Variants in DAPK2 observed in about 807,000 individuals in gnomAD.
The protein encoded by DAPK2 is death associated protein kinase 2, also known as death-associated protein kinase 2.
In DAPK2, 35 loss-of-function variants were observed where a neutral mutation model predicts 44.1. The observed-to-expected ratio is 0.79, with a 90% CI of 0.61 to 1.05. The LOEUF is 1.05. Among genes scored for constraint, DAPK2 ranks in the 50% least tolerant of loss-of-function variants. The probability of loss-of-function intolerance (pLI) is 0.00; values close to 1 mark genes in which losing one functional copy is unlikely to be tolerated. For missense variants in DAPK2, 453 were observed against 483.2 expected, an observed-to-expected ratio of 0.94 and a Z score of 0.59; for synonymous variants, 174 against 182.6, an observed-to-expected ratio of 0.95 and a Z score of 0.38.
At chr15:63,949,556 G>C (rs2077533949) in intron 3 of DAPK2, among the ~76,000 whole-genome samples, 1 of 152,190 alleles carries the variant, frequency 6.6e-6, no homozygotes, top group South Asian at 2.1e-4. Flanking sequence ...GGCATTCTGA[G>C]GACCTAGCTG....
At chr15:63,987,422 A>G (rs1342465211) in intron 1 of DAPK2, among the ~76,000 whole-genome samples, 1 of 152,188 alleles carries the variant, frequency 6.6e-6, no homozygotes, top group Non-Finnish European at 1.5e-5. Flanking sequence ...GAGCAATTCA[A>G]CCTCTAATGA....
chr15:63,991,968 T>A (rs2078832698), intron 1 of DAPK2, among the ~76,000 whole-genome samples: 1 of 152,138 alleles, frequency 6.6e-6, no homozygotes, highest in Non-Finnish European at 1.5e-5. Flanking sequence ...GGCTGGCTTG[T>A]TTCATTCCCA....
intron 3 of DAPK2, among the ~76,000 whole-genome samples, chr15:63,956,080 AT>A (rs541925713): frequency 1.1e-3 from 165 of 152,256 alleles, no homozygotes; most frequent in African/African-American, 3.7e-3. Context: ...CCTATTGGAA[AT>A]CATATAGTTG....
chr15:64,007,155 G>T (rs1294084891), intron 1 of DAPK2, among the ~76,000 whole-genome samples: 1 of 151,902 alleles, frequency 6.6e-6, no homozygotes, highest in Non-Finnish European at 1.5e-5. Flanking sequence ...TTTAGAGACG[G>T]GGTCTCACTA....
At chr15:63,915,951 G>C (rs1009351111) in intron 8 of DAPK2, among the ~76,000 whole-genome samples, 5 of 151,284 alleles carry the variant, frequency 3.3e-5, no homozygotes, top group African/African-American at 1.2e-4. Flanking sequence ...TTCGACTTGG[G>C]GTGTGAGGGG....
At chr15:63,988,679 TA>T (rs1180442388) in intron 1 of DAPK2, among the ~76,000 whole-genome samples, 1 of 151,714 alleles carries the variant, frequency 6.6e-6, no homozygotes, top group African/African-American at 2.4e-5. Context: ...AATTTTTTTC[TA>T]TTTTTAGTAG....
At chr15:63,913,497 G>A (rs923550853) in intron 8 of DAPK2, among the ~76,000 whole-genome samples, 75 of 152,082 alleles carry the variant, frequency 4.9e-4, no homozygotes, top group Non-Finnish European at 9.3e-4. Flanking sequence ...CAAAGGTCCC[G>A]GGCAGCTCTG....
At chr15:63,983,103 A>G (rs2078569873) in intron 2 of DAPK2, among the ~76,000 whole-genome samples, 1 of 152,198 alleles carries the variant, frequency 6.6e-6, no homozygotes, top group Non-Finnish European at 1.5e-5. Context: ...AGGGCTTCGC[A>G]GAGCCCAGAG....
intron 1 of DAPK2, among the ~76,000 whole-genome samples, chr15:64,019,512 T>A (rs963596855): frequency 6.6e-6 from 1 of 152,266 alleles, no homozygotes; most frequent in Non-Finnish European, 1.5e-5. Context: ...GAAAGAATTA[T>A]CTTATGTCTA....
At chr15:64,031,513 G>A (rs1332833351) in intron 1 of DAPK2, among the ~76,000 whole-genome samples, 1 of 152,174 alleles carries the variant, frequency 6.6e-6, no homozygotes, top group Non-Finnish European at 1.5e-5. Context: ...GATTACAAGC[G>A]TCAGCCACCA....
At chr15:63,975,655 G>A (rs2078324882) in intron 2 of DAPK2, among the ~76,000 whole-genome samples, 1 of 151,502 alleles carries the variant, frequency 6.6e-6, no homozygotes, top group Non-Finnish European at 1.5e-5. Flanking sequence ...CTGGAGTGCA[G>A]TGATGCGATC....
intron 2 of DAPK2, among the ~76,000 whole-genome samples, chr15:63,972,408 A>G (rs924809925): frequency 2.6e-5 from 4 of 152,212 alleles, no homozygotes; most frequent in East Asian, 1.9e-4. Flanking sequence ...CTGGTGAGGG[A>G]TCACAAAGAG....
chr15:63,980,167 C>T lies in DAPK2; in HGVS notation c.314+3366G>A, dbSNP rs184925291. On this transcript the variant is annotated intron_variant, in intron 2 of 10. Transcript: ENST00000261891. This position sits in a 1 kb window ranked among gnomAD's most constrained non-coding sequence, Gnocchi z 4.3. The stretch of plus-strand genomic sequence containing the variant: ...CCCAAGCAAGTCATGGGAGCACCAG[C>T]GTGACAACTGATGTTACAGATGGTG... Among the ~76,000 whole-genome samples, 2 of 152,242 alleles carry T rather than the reference C, an allele frequency of 1.3e-5. No individual in the cohort carries two copies. The highest frequency in any genetic ancestry group is 2.1e-4 in the South Asian group (1 of 4,830).
At chr15:63,930,593 T>C (rs2079515484) in intron 4 of DAPK2, 138 bp from the exon 6 acceptor site, 1 of 773,626 alleles carries the variant, frequency 1.3e-6, no homozygotes, top group Non-Finnish European at 2.2e-6. Flanking sequence ...ATAAAGGTGA[T>C]CTGCATCTAA....
rs1019725548 is a variant in DAPK2 at position 63,980,424 on chromosome 15, C to T, written c.314+3109G>A. On this transcript the variant is annotated intron_variant, in intron 2 of 10. Transcript: ENST00000261891. This position sits in a 1 kb window ranked among gnomAD's most constrained non-coding sequence, Gnocchi z 4.3. ...ATAAATAATGAAACACGTTTCAAAA[C>T]AAATGACCCAGGGCTGGCAGGGCTG... Among the ~76,000 whole-genome samples, 2 of 152,148 alleles carry T rather than the reference C, an allele frequency of 1.3e-5. No homozygotes were observed. Among genetic ancestry groups the T allele is most frequent in the Admixed American group, 1.3e-4 (2 of 15,274 alleles).
rs2078956646 is a variant in DAPK2, at chr15:63,917,436, TA to T, written c.859-5240del. 2 of 151,542 alleles carry T rather than the reference TA, an allele frequency of 1.3e-5. No individual in the cohort carries two copies. Among genetic ancestry groups the T allele is most frequent in the South Asian group, 4.2e-4 (2 of 4,778 alleles). The allele number at this position is 151,542 out of a possible 1,614,324, so 9.4% of individuals were successfully genotyped here. Reference sequence around the variant, plus strand: ...TATGCTGGAGAACTTATGAGTTAAATAAGTCTGAAATTTGCTTTAAAATACC... The same window carrying T: ...TATGCTGGAGAACTTATGAGTTAAATAGTCTGAAATTTGCTTTAAAATACC... On this transcript the variant is annotated intron_variant, in intron 8 of 10. Transcript: ENST00000261891. This position sits in a 1 kb window ranked among gnomAD's most constrained non-coding sequence, Gnocchi z 4.4.
At chr15:64,045,923 A>G (rs1010263951) in intron 1 of DAPK2, among the ~76,000 whole-genome samples, 1 of 152,168 alleles carries the variant, frequency 6.6e-6, no homozygotes, top group Non-Finnish European at 1.5e-5. Flanking sequence ...GCAAGAGGTG[A>G]GAGAGTCAGC....
intron 2 of DAPK2, 82 bp downstream of exon 3, chr15:63,983,451 C>T: frequency 7.4e-7 from 1 of 1,358,784 alleles, no homozygotes; most frequent in Non-Finnish European, 1.0e-6. Context: ...CTGCTGCCCC[C>T]TGGGGCCTGT....
At chr15:63,979,944 G>C (rs2078456404) in intron 2 of DAPK2, among the ~76,000 whole-genome samples, 1 of 151,868 alleles carries the variant, frequency 6.6e-6, no homozygotes, top group African/African-American at 2.4e-5. Flanking sequence ...AAAAACAAAA[G>C]CCCAGGAACT....
Sources: allele counts gnomAD v4.1 joint callset (sites outside exome capture counted in the v4.1 genomes callset), GRCh38; gene constraint gnomAD v4.1.1; non-coding constraint Gnocchi (gnomAD v3.1); transcripts MANE v1.5; gene names NCBI Gene and HGNC (gene_info 2026-07-23, HGNC 2026-07-21).